Variants in ZMIZ1 observed in about 807,000 individuals in gnomAD.
ZMIZ1 encodes the protein zinc finger MIZ domain-containing protein 1.
In ZMIZ1, 17 loss-of-function variants were observed where a neutral mutation model predicts 113.9. The ratio of observed to expected loss-of-function variants is 0.15; its 90% CI spans 0.10 to 0.22. The LOEUF is 0.22. ZMIZ1 is among the 10% of genes least tolerant of loss of function. ZMIZ1 has a pLI of 1.00. For missense variants in ZMIZ1, 1,059 were observed against 1,477.8 expected (o/e 0.72, Z 4.65); for synonymous variants, 607 against 603.1 (o/e 1.01, Z -0.09).
chr10:79,166,191 C>T (rs1156753865), intron 4 of ZMIZ1, among the ~76,000 whole-genome samples: 5 of 152,168 alleles, frequency 3.3e-5, no homozygotes, highest in Non-Finnish European at 7.4e-5. Flanking sequence ...GGTCCCTGCA[C>T]CTCCTCACCT....
At chr10:79,109,085 G>A (rs1843650847) in intron 1 of ZMIZ1, among the ~76,000 whole-genome samples, 1 of 152,136 alleles carries the variant, frequency 6.6e-6, no homozygotes, top group African/African-American at 2.4e-5. Flanking sequence ...GTGCACACAT[G>A]TGTGTGTCTG....
At chr10:79,231,727 C>T (rs1341162255) in intron 7 of ZMIZ1, among the ~76,000 whole-genome samples, 1 of 152,074 alleles carries the variant, frequency 6.6e-6, no homozygotes, top group Admixed American at 6.6e-5. Context: ...TACAAGCACA[C>T]GCCACCACGC....
chr10:79,157,471 C>A (rs1416566706), intron 3 of ZMIZ1, among the ~76,000 whole-genome samples: 2 of 152,020 alleles, frequency 1.3e-5, no homozygotes, highest in Non-Finnish European at 2.9e-5. Context: ...ATTGGTGCCA[C>A]AGAACCCTGG....
intron 6 of ZMIZ1, among the ~76,000 whole-genome samples, chr10:79,213,491 G>A (rs1290062554): frequency 6.6e-6 from 1 of 152,212 alleles, no homozygotes; most frequent in African/African-American, 2.4e-5. Flanking sequence ...CAGGGGACTT[G>A]GTGACAAGCA....
At chr10:79,085,852 C>T (rs550603015) in intron 1 of ZMIZ1, among the ~76,000 whole-genome samples, 1 of 152,308 alleles carries the variant, frequency 6.6e-6, no homozygotes, top group African/African-American at 2.4e-5. Flanking sequence ...GCCTTTCCCG[C>T]CTACCACTGC....
In ZMIZ1 at chr10:79,192,291, A is replaced by G. The variant is rs145088744; in HGVS notation, c.-49-9293A>G. Among the ~76,000 whole-genome samples the G allele has an allele frequency of 2.2e-3, 333 of 152,372 alleles. 3 individuals are homozygous for G. Among genetic ancestry groups the G allele is most frequent in the Non-Finnish European group, 3.8e-3 (260 of 68,036 alleles). On this transcript the variant is annotated intron_variant, in intron 4 of 24. Transcript: ENST00000334512. The stretch of plus-strand genomic sequence containing the variant: ...GGGCCACATCACTGAGTGTTTCCCC[A>G]GGAAACTGTCACTTCTGAATTAACT...
intron 4 of ZMIZ1, among the ~76,000 whole-genome samples, chr10:79,201,167 G>T (rs1418785063): frequency 1.3e-5 from 2 of 152,202 alleles, no homozygotes; most frequent in Non-Finnish European, 2.9e-5. Flanking sequence ...AATTAGCCGG[G>T]TGTGGTGGTA....
chr10:79,075,048 C>T (rs1041969295), intron 1 of ZMIZ1, among the ~76,000 whole-genome samples: 3 of 152,224 alleles, frequency 2.0e-5, no homozygotes, highest in Non-Finnish European at 2.9e-5. Context: ...TTGAAGGTTT[C>T]GGCTGTGGCA....
At chr10:79,185,296 G>A (rs1038459467) in intron 4 of ZMIZ1, among the ~76,000 whole-genome samples, 1 of 152,096 alleles carries the variant, frequency 6.6e-6, no homozygotes, top group East Asian at 1.9e-4. Context: ...TTGTTGAGTC[G>A]GCAGCATCCT....
intron 7 of ZMIZ1, among the ~76,000 whole-genome samples, chr10:79,235,285 G>A (rs762563459): frequency 9.2e-5 from 14 of 152,204 alleles, no homozygotes; most frequent in Non-Finnish European, 1.6e-4. Context: ...CCTCTCACAC[G>A]GGGTGGTGAA....
chr10:79,137,747 T>A (rs1845066845), intron 2 of ZMIZ1, among the ~76,000 whole-genome samples: 2 of 151,426 alleles, frequency 1.3e-5, no homozygotes, highest in Non-Finnish European at 1.5e-5. Context: ...CCCATCTCTC[T>A]CCGAGAGGAG....
At chr10:79,197,599 CACACACACACAT>C (rs879362896) in intron 4 of ZMIZ1, among the ~76,000 whole-genome samples, 4,787 of 142,274 alleles carry the variant, frequency 0.034, 115 homozygotes, top group African/African-American at 0.07. Flanking sequence ...AGACCATACA[CACACACACACAT>C]ACACACACAC....
At chr10:79,198,270 CAAAA>C (rs1205414537) in intron 4 of ZMIZ1, among the ~76,000 whole-genome samples, 1 of 152,010 alleles carries the variant, frequency 6.6e-6, no homozygotes, top group African/African-American at 2.4e-5. Context: ...AACAAACAAA[CAAAA>C]AAGCATTTCT....
rs995164225 is a variant in ZMIZ1, at chr10:79,287,366, A to G, written c.426-2409A>G. 3.9e-5 allele frequency among the ~76,000 whole-genome samples: 6 copies of G among 152,344 alleles called. 1 individual carries two copies. Among genetic ancestry groups the G allele is most frequent in the Admixed American group, 2.6e-4 (4 of 15,308 alleles). On this transcript the variant is annotated intron_variant, in intron 8 of 24. Coordinates refer to ENST00000334512, the MANE Select transcript of ZMIZ1 (RefSeq NM_020338.4). Reference sequence around the variant, plus strand: ...TTTGGCCCAAGCATCTGGATCTTCAACAAGCCACTACCCATCATTGTGCCT... The same window carrying G: ...TTTGGCCCAAGCATCTGGATCTTCAGCAAGCCACTACCCATCATTGTGCCT...
At chr10:79,240,854 G>C (rs1849800912) in intron 7 of ZMIZ1, among the ~76,000 whole-genome samples, 1 of 151,830 alleles carries the variant, frequency 6.6e-6, no homozygotes, top group Non-Finnish European at 1.5e-5. Flanking sequence ...TCCCCCTCTG[G>C]TATAAACCTC....
intron 1 of ZMIZ1, among the ~76,000 whole-genome samples, chr10:79,070,034 G>A (rs1351863406): frequency 6.6e-6 from 1 of 151,698 alleles, no homozygotes; most frequent in East Asian, 2.0e-4. Context: ...TTGCAAATAC[G>A]AAAGTAATTT....
At chr10:79,156,598 C>A (rs1845911214) in intron 3 of ZMIZ1, among the ~76,000 whole-genome samples, 1 of 152,208 alleles carries the variant, frequency 6.6e-6, no homozygotes, top group South Asian at 2.1e-4. Context: ...GCCCAGCAGG[C>A]AGGCTGGGCT....
At position 79,280,451 on chromosome 10, in the gene ZMIZ1, G is replaced by A. The variant is rs190296347; in HGVS notation, c.425+3126G>A. ...CACTACACCTGGCTATTTCTTTATAGTTTTGTGGAGATAGGGTCTCGCTAT... is the reference window on the plus strand; with the variant it reads ...CACTACACCTGGCTATTTCTTTATAATTTTGTGGAGATAGGGTCTCGCTAT... On this transcript the variant is annotated intron_variant, in intron 8 of 24. Coordinates refer to ENST00000334512, the MANE Select transcript of ZMIZ1 (RefSeq NM_020338.4). Among the ~76,000 whole-genome samples the A allele has an allele frequency of 1.4e-3, 206 of 150,436 alleles. 2 individuals are homozygous for A. Among genetic ancestry groups the A allele is most frequent in the African/African-American group, 4.7e-3 (194 of 40,848 alleles).
intron 6 of ZMIZ1, among the ~76,000 whole-genome samples, chr10:79,214,369 A>G (rs1848637157): frequency 6.6e-6 from 1 of 151,992 alleles, no homozygotes. Context: ...TTTCCTCCCA[A>G]CCTGGCTCAA....
Sources: allele counts gnomAD v4.1 joint callset (sites outside exome capture counted in the v4.1 genomes callset), GRCh38; gene constraint gnomAD v4.1.1; transcripts MANE v1.5; gene names NCBI Gene and HGNC (gene_info 2026-07-23, HGNC 2026-07-21).